SH3BGRL2: variants seen among roughly 807,000 people sequenced by gnomAD.
SH3BGRL2 encodes SH3 domain binding glutamate rich protein like 2.
SH3BGRL2 carries 21 observed loss-of-function variants against 14.8 expected under a neutral mutation model. That is an observed-to-expected ratio of 1.42 (90% confidence interval 1.01 to 2.05). SH3BGRL2 has a LOEUF of 2.05. SH3BGRL2 is among the 30% of genes most tolerant of loss of function. SH3BGRL2 has a pLI of 0.00. For synonymous variants in SH3BGRL2, 50 were observed against 47.8 expected, an observed-to-expected ratio of 1.05 and a Z score of -0.19; for missense variants, 147 against 130.8, an observed-to-expected ratio of 1.12 and a Z score of -0.61.
At chr6:79,673,882 T>C in intron 2 of SH3BGRL2, 83 bp downstream of exon 2, 1 of 1,391,028 alleles carries the variant, frequency 7.2e-7, no homozygotes, top group Non-Finnish European at 9.8e-7. Context: ...GTTTTTCCAG[T>C]GAAGACTGTG....
chr6:79,600,902 G>T, the SH3BGRL2 span, among the ~76,000 whole-genome samples: 3 of 152,138 alleles, frequency 2.0e-5, no homozygotes, highest in Middle Eastern at 3.4e-3. Context: ...CATCTTCCCA[G>T]GTGACACTGA....
chr6:79,577,041 G>A, the SH3BGRL2 span, among the ~76,000 whole-genome samples: 1 of 152,146 alleles, frequency 6.6e-6, no homozygotes. Flanking sequence ...ATAGTACAAG[G>A]TAAAAGTGGA....
chr6:79,696,351 T>C, intron 2 of SH3BGRL2, 134 bp from the exon 3 acceptor site: 1 of 609,570 alleles, frequency 1.6e-6, no homozygotes, highest in Non-Finnish European at 2.8e-6. Context: ...TTCAGCAGAT[T>C]TATTTAGCTT....
intron 1 of SH3BGRL2, among the ~76,000 whole-genome samples, chr6:79,657,272 T>G (rs1769439682): frequency 6.6e-6 from 1 of 152,060 alleles, no homozygotes; most frequent in African/African-American, 2.4e-5. Context: ...AGTAGGACAG[T>G]AAAGAAATTC....
Position 79,703,161 on chromosome 6 carries a change from C to A in SH3BGRL2, c.*3652C>A, listed in dbSNP as rs1430765551. ...TTTGTTTGTTCATCCTTTCTGTCAG[C>A]ATGGATCAAGCCCCTAAAATGTGGT... On this transcript the variant is annotated 3_prime_UTR_variant, in exon 4 of 4. Transcript: ENST00000369838. 2.0e-5 allele frequency: 3 copies of A among 152,114 alleles called. No homozygotes were observed. The highest frequency in any genetic ancestry group is 4.4e-5 in the Non-Finnish European group (3 of 68,036). 9.4% of individuals were successfully genotyped at this position (152,114 alleles called of 1,614,324 possible). A position where few individuals can be genotyped will look rare whatever the true frequency, so the allele number is the denominator to read the frequency against.
chr6:79,623,326 T>A, the SH3BGRL2 span, among the ~76,000 whole-genome samples: 2 of 151,974 alleles, frequency 1.3e-5, no homozygotes, highest in South Asian at 4.2e-4. Flanking sequence ...AATGTCTGAT[T>A]TACAATCGGG....
chr6:79,567,401 A>T, the SH3BGRL2 span, among the ~76,000 whole-genome samples: 1 of 152,246 alleles, frequency 6.6e-6, no homozygotes, highest in South Asian at 2.1e-4. Flanking sequence ...TTTGCCAGTA[A>T]TATTTCCAGT....
In SH3BGRL2 at chr6:79,701,184, T is replaced by G. The variant is rs1269847999; in HGVS notation, c.*1675T>G. The G allele has an allele frequency of 1.3e-5, 2 of 152,202 alleles. No individual in the cohort carries two copies. Among genetic ancestry groups the G allele is most frequent in the Non-Finnish European group, 2.9e-5 (2 of 68,032 alleles). The allele number at this position is 152,202 out of a possible 1,614,324, so 9.4% of individuals were successfully genotyped here. A position where few individuals can be genotyped will look rare whatever the true frequency, so the allele number is the denominator to read the frequency against. ...GAAGCTGTTGTCAAATTATGGATAT[T>G]ACTGGTTAGTTGTCATTAAGTAAGA... On this transcript the variant is annotated 3_prime_UTR_variant, in exon 4 of 4. Transcript: ENST00000369838.
chr6:79,603,578 G>A, the SH3BGRL2 span, among the ~76,000 whole-genome samples: 1 of 152,182 alleles, frequency 6.6e-6, no homozygotes, highest in Admixed American at 6.5e-5. Context: ...ATTCTAAACT[G>A]ATATCACTCA....
chr6:79,575,367 C>T, the SH3BGRL2 span: 3 of 152,130 alleles, frequency 2.0e-5, no homozygotes, highest in Non-Finnish European at 2.9e-5. Context: ...ATTTCCCATA[C>T]TATATTGGTG....
At chr6:79,681,186 C>G (rs1490500899) in intron 2 of SH3BGRL2, among the ~76,000 whole-genome samples, 1 of 152,076 alleles carries the variant, frequency 6.6e-6, no homozygotes, top group Non-Finnish European at 1.5e-5. Flanking sequence ...TGGAGTTAGC[C>G]ATGGAAAGTT....
At chr6:79,662,403 G>C (rs1213942123) in intron 1 of SH3BGRL2, among the ~76,000 whole-genome samples, 1 of 152,102 alleles carries the variant, frequency 6.6e-6, no homozygotes, top group Non-Finnish European at 1.5e-5. Context: ...CTTCACTTAT[G>C]AAGCTTAGTT....
At chr6:79,616,007 G>A in the SH3BGRL2 span, among the ~76,000 whole-genome samples, 71,607 of 151,496 alleles carry the variant, frequency 0.47, 17,320 homozygotes, top group East Asian at 0.77. Flanking sequence ...GTAGAGACAG[G>A]GTTTCTCCAT....
the SH3BGRL2 span, among the ~76,000 whole-genome samples, chr6:79,569,084 A>G: frequency 3.9e-5 from 6 of 152,172 alleles, no homozygotes; most frequent in Non-Finnish European, 7.3e-5. Flanking sequence ...TAAGACATCA[A>G]TCAATACATG....
At chr6:79,625,401 A>G in the SH3BGRL2 span, among the ~76,000 whole-genome samples, 1 of 152,194 alleles carries the variant, frequency 6.6e-6, no homozygotes, top group African/African-American at 2.4e-5. Flanking sequence ...AACATAAAGC[A>G]GTAGATAAAT....
the SH3BGRL2 span, among the ~76,000 whole-genome samples, chr6:79,607,334 T>C: frequency 2.5e-4 from 38 of 152,072 alleles, no homozygotes; most frequent in African/African-American, 8.7e-4. Flanking sequence ...ACTATTACAC[T>C]CAAAATGCAC....
intron 1 of SH3BGRL2, among the ~76,000 whole-genome samples, chr6:79,654,898 G>C (rs888791226): frequency 3.9e-5 from 6 of 152,154 alleles, no homozygotes; most frequent in Non-Finnish European, 7.3e-5. Context: ...GAACACTGTG[G>C]CAGTTCTTCC....
chr6:79,606,551 C>T, the SH3BGRL2 span, among the ~76,000 whole-genome samples: 1 of 152,112 alleles, frequency 6.6e-6, no homozygotes, highest in Non-Finnish European at 1.5e-5. Context: ...CTGGCACACC[C>T]TTTAGAAGCC....
At chr6:79,546,235 A>C in the SH3BGRL2 span, among the ~76,000 whole-genome samples, 1 of 152,256 alleles carries the variant, frequency 6.6e-6, no homozygotes, top group East Asian at 1.9e-4. Flanking sequence ...TGAATTAACA[A>C]CTTTTTTTTC....
Sources: allele counts gnomAD v4.1 joint callset (sites outside exome capture counted in the v4.1 genomes callset), GRCh38; gene constraint gnomAD v4.1.1; transcripts MANE v1.5; gene names NCBI Gene and HGNC (gene_info 2026-07-23, HGNC 2026-07-21).